ABTB3: variants seen among roughly 807,000 people sequenced by gnomAD.
The protein encoded by ABTB3 is ankyrin repeat- and BTB/POZ domain-containing protein 3.
chr12:107,378,265 A>T, the ABTB3 span, among the ~76,000 whole-genome samples: 1 of 152,172 alleles, frequency 6.6e-6, no homozygotes, highest in Admixed American at 6.5e-5. Flanking sequence ...TTGGGGGATG[A>T]TGGGATTGCT....
the ABTB3 span, among the ~76,000 whole-genome samples, chr12:107,415,801 A>G: frequency 6.6e-6 from 1 of 152,266 alleles, no homozygotes; most frequent in African/African-American, 2.4e-5. Context: ...GCTGTCAGTT[A>G]ATGGTAGAGC....
the ABTB3 span, among the ~76,000 whole-genome samples, chr12:107,604,976 AC>A: frequency 2.6e-5 from 4 of 152,242 alleles, no homozygotes; most frequent in Non-Finnish European, 5.9e-5. Context: ...AAGTCAATAA[AC>A]CTGGAGGACA....
At chr12:107,537,677 T>A in the ABTB3 span, among the ~76,000 whole-genome samples, 38,784 of 152,042 alleles carry the variant, frequency 0.26, 5,244 homozygotes, top group Admixed American at 0.35. Context: ...GCTCAGTTAC[T>A]GGGCAGCCCA....
At chr12:107,396,347 A>G in the ABTB3 span, among the ~76,000 whole-genome samples, 2 of 152,222 alleles carry the variant, frequency 1.3e-5, no homozygotes, top group African/African-American at 4.8e-5. Flanking sequence ...GTTAGGCCCA[A>G]GTTCAAGATC....
At chr12:107,610,179 C>T in the ABTB3 span, 1 of 1,614,158 alleles carries the variant, frequency 6.2e-7, no homozygotes, top group Non-Finnish European at 8.5e-7. Flanking sequence ...GATGTCTCTT[C>T]CCTTCCTTAG....
chr12:107,626,822 T>C, the ABTB3 span, among the ~76,000 whole-genome samples: 228 of 152,166 alleles, frequency 1.5e-3, 1 homozygote, highest in African/African-American at 5.1e-3. Flanking sequence ...CTCTAATAAT[T>C]AACCATGAAC....
At chr12:107,347,682 G>A in the ABTB3 span, among the ~76,000 whole-genome samples, 1 of 152,084 alleles carries the variant, frequency 6.6e-6, no homozygotes, top group African/African-American at 2.4e-5. Flanking sequence ...TAAGGGCTAC[G>A]TTCAAAACTG....
the ABTB3 span, chr12:107,486,452 T>C: frequency 6.6e-6 from 1 of 152,176 alleles, no homozygotes; most frequent in Non-Finnish European, 1.5e-5. Flanking sequence ...TGGCCCTTTA[T>C]AGAAAAAGTT....
chr12:107,361,629 T>C, the ABTB3 span, among the ~76,000 whole-genome samples: 1 of 152,200 alleles, frequency 6.6e-6, no homozygotes, highest in East Asian at 1.9e-4. Flanking sequence ...TGACAACCAT[T>C]GAGGTTTGAG....
At chr12:107,357,995 C>T in the ABTB3 span, among the ~76,000 whole-genome samples, 3 of 152,182 alleles carry the variant, frequency 2.0e-5, no homozygotes, top group Non-Finnish European at 2.9e-5. Context: ...TCTTTCCCTC[C>T]TTCCCTTTCC....
chr12:107,369,686 A>G, the ABTB3 span, among the ~76,000 whole-genome samples: 8 of 139,348 alleles, frequency 5.7e-5, no homozygotes, highest in Non-Finnish European at 1.2e-4. Flanking sequence ...GGCATGAGCC[A>G]CCATACCCAG....
chr12:107,647,815 A>T, the ABTB3 span, among the ~76,000 whole-genome samples: 13 of 152,186 alleles, frequency 8.5e-5, no homozygotes, highest in African/African-American at 2.7e-4. Flanking sequence ...CAGATACGAA[A>T]CTGAGACACA....
At chr12:107,349,566 G>T in the ABTB3 span, among the ~76,000 whole-genome samples, 2 of 152,286 alleles carry the variant, frequency 1.3e-5, no homozygotes, top group South Asian at 4.2e-4. Context: ...CTGAGTCTTT[G>T]TTTCTTCAGC....
the ABTB3 span, among the ~76,000 whole-genome samples, chr12:107,522,134 T>C: frequency 2.0e-5 from 3 of 152,060 alleles, no homozygotes; most frequent in African/African-American, 4.8e-5. Context: ...ATTCCTCTTC[T>C]TATAAGTCCT....
chr12:107,619,234 C>T, the ABTB3 span, among the ~76,000 whole-genome samples: 8 of 152,104 alleles, frequency 5.3e-5, no homozygotes, highest in South Asian at 2.1e-4. Flanking sequence ...CTCGAGATTC[C>T]GAATGGGCTA....
At chr12:107,509,400 G>A in the ABTB3 span, among the ~76,000 whole-genome samples, 9 of 152,234 alleles carry the variant, frequency 5.9e-5, no homozygotes, top group African/African-American at 2.2e-4. Context: ...GATTAAGGTG[G>A]TGACTTTCTG....
chr12:107,619,301 G>C, the ABTB3 span, among the ~76,000 whole-genome samples: 1 of 152,216 alleles, frequency 6.6e-6, no homozygotes, highest in Admixed American at 6.5e-5. Flanking sequence ...TGCATGAGAG[G>C]CGAGAGGCAA....
chr12:107,336,350 G>A, the ABTB3 span, among the ~76,000 whole-genome samples: 1 of 152,184 alleles, frequency 6.6e-6, no homozygotes. Context: ...GTCTAATCTG[G>A]TTGATTTTAA....
At chr12:107,517,751 A>C in the ABTB3 span, among the ~76,000 whole-genome samples, 19 of 152,246 alleles carry the variant, frequency 1.2e-4, no homozygotes, top group African/African-American at 4.6e-4. Flanking sequence ...AACAAAAGCC[A>C]AAATTGACAA....
Sources: allele counts gnomAD v4.1 joint callset (sites outside exome capture counted in the v4.1 genomes callset), GRCh38; gene constraint gnomAD v4.1.1; transcripts MANE v1.5; gene names NCBI Gene and HGNC (gene_info 2026-07-23, HGNC 2026-07-21).